KDM1B: variants seen among roughly 807,000 people sequenced by gnomAD.
KDM1B encodes lysine demethylase 1B, also known as lysine-specific histone demethylase 2.
A neutral mutation model predicts 107.4 loss-of-function variants in KDM1B; 63 were observed. That is an observed-to-expected ratio of 0.59 (90% confidence interval 0.48 to 0.72). The LOEUF (loss-of-function observed/expected upper bound fraction) is 0.72, where lower values mean the gene tolerates loss of function less well. KDM1B is among the 30% of genes least tolerant of loss of function. KDM1B has a pLI of 0.00. For missense variants in KDM1B, 749 were observed against 1,020.8 expected (o/e 0.73, Z 3.63); for synonymous variants, 363 against 363.9 (o/e 1.00, Z 0.03).
chr6:18,177,246 T>C (rs752461402), intron 7 of KDM1B, among the ~76,000 whole-genome samples: 2 of 152,216 alleles, frequency 1.3e-5, no homozygotes, highest in African/African-American at 4.8e-5. Context: ...TTCTAGATTA[T>C]GTGCGTAAAA....
intron 10 of KDM1B, among the ~76,000 whole-genome samples, chr6:18,193,539 C>T (rs1787435550): frequency 6.6e-6 from 1 of 151,828 alleles, no homozygotes; most frequent in Admixed American, 6.6e-5. Flanking sequence ...TGGGCTTAAA[C>T]AATCCTCCTG....
At position 18,204,798 on chromosome 6, in the gene KDM1B, A is replaced by T. The variant is rs968623703; in HGVS notation, c.1532-739A>T. 6.6e-6 allele frequency among the ~76,000 whole-genome samples: 1 copy of T among 152,102 alleles called. No homozygotes were observed. Among genetic ancestry groups the T allele is most frequent in the African/African-American group, 2.4e-5 (1 of 41,418 alleles). On this transcript the variant is annotated intron_variant, in intron 14 of 21. Coordinates refer to ENST00000650836, the MANE Select transcript of KDM1B (RefSeq NM_001364614.2). The surrounding 1 kb of genome is among the most constrained non-coding windows in gnomAD (Gnocchi z 4.9). ...TGCCCGACTATAAAGAATGGATGGG[A>T]TTGGGTGGGAGAAGGCATTCCCATG...
In KDM1B at chr6:18,210,342, C is replaced by CTTTTTTT. The variant is rs533016543; in HGVS notation, c.1867-2122_1867-2116dup. On this transcript the variant is annotated intron_variant, in intron 17 of 21. Transcript: ENST00000650836. ...TCTTTCTTTTTTTTCTCTTTCTTTT[C>CTTTTTTT]TTTTTTTTTTTTTTTTTTTTTTTTT... 2.5e-3 allele frequency among the ~76,000 whole-genome samples: 177 copies of CTTTTTTT among 69,924 alleles called. 4 individuals are homozygous for CTTTTTTT. Among genetic ancestry groups the CTTTTTTT allele is most frequent in the Non-Finnish European group, 4.0e-3 (136 of 33,926 alleles). The allele number at this position is 69,924 out of a possible 152,430, so 45.9% of individuals were successfully genotyped here.
chr6:18,184,904 T>G (rs557816849), intron 7 of KDM1B, among the ~76,000 whole-genome samples: 8 of 151,712 alleles, frequency 5.3e-5, no homozygotes, highest in Non-Finnish European at 1.0e-4. Flanking sequence ...CCTGGCTGAT[T>G]TTTGCAATTT....
intron 17 of KDM1B, 71 bp downstream of exon 17, chr6:18,208,277 T>A: frequency 8.7e-7 from 1 of 1,155,902 alleles, no homozygotes; most frequent in Non-Finnish European, 1.3e-6. Flanking sequence ...AGGACAAATC[T>A]TTCCTATCAA....
At chr6:18,178,286 A>G (rs1329637540) in intron 7 of KDM1B, among the ~76,000 whole-genome samples, 1 of 151,924 alleles carries the variant, frequency 6.6e-6, no homozygotes, top group Non-Finnish European at 1.5e-5. Context: ...GGGTTTCACC[A>G]CATTGGCCAG....
intron 4 of KDM1B, among the ~76,000 whole-genome samples, chr6:18,161,743 G>A (rs1274201562): frequency 6.6e-6 from 1 of 152,044 alleles, no homozygotes; most frequent in Non-Finnish European, 1.5e-5. Context: ...GGGTGGGATG[G>A]TGTATGTCGT....
intron 7 of KDM1B, among the ~76,000 whole-genome samples, chr6:18,174,238 C>T (rs1785846285): frequency 6.7e-6 from 1 of 149,412 alleles, no homozygotes; most frequent in African/African-American, 2.4e-5. Flanking sequence ...ATACATTCTT[C>T]TAACTTTTTT....
In KDM1B at chr6:18,201,692, C is replaced by T; in HGVS notation, c.1531+35C>T. On this transcript the variant is annotated intron_variant, in intron 14 of 21. Coordinates refer to ENST00000650836, the MANE Select transcript of KDM1B (RefSeq NM_001364614.2). The surrounding 1 kb of genome is among the most constrained non-coding windows in gnomAD (Gnocchi z 4.3). ...GAACGGTGTTCTGATTGTTCCATCT[C>T]AGTTTCGTTGTTACCTAAGCTTCAT... The T allele has an allele frequency of 6.7e-7, 1 of 1,502,848 alleles. No homozygotes were observed. The highest frequency in any genetic ancestry group is 8.9e-7 in the Non-Finnish European group (1 of 1,121,360). 93.1% of individuals were successfully genotyped at this position (1,502,848 alleles called of 1,614,324 possible).
At chr6:18,215,267 C>T (rs1742704862) in intron 20 of KDM1B, 138 bp downstream of exon 20, 9 of 948,696 alleles carry the variant, frequency 9.5e-6, no homozygotes, top group Non-Finnish European at 1.2e-5. Context: ...TTCAGAGTCC[C>T]ACTGCCCACC....
At position 18,205,660 on chromosome 6, in the gene KDM1B, A is replaced by T; in HGVS notation, c.1655A>T (p.His552Leu). The change falls in exon 15 of 22, where the codon CAC becomes CTC. Residue 552 changes from histidine (H) to leucine (L), a missense_variant. Coordinates refer to ENST00000650836, the MANE Select transcript of KDM1B (RefSeq NM_001364614.2). The surrounding 1 kb of genome is among the most constrained non-coding windows in gnomAD (Gnocchi z 5.7). ...NLEYACGSNL[H>L]QVSARSWDHN... ...GAGTACGCCTGTGGCAGCAACCTTCACCAGGTGCGCTTGGGTTTTGTGAAA... is the reference window on the plus strand; with the variant it reads ...GAGTACGCCTGTGGCAGCAACCTTCTCCAGGTGCGCTTGGGTTTTGTGAAA... 1 of 1,510,666 alleles carries T rather than the reference A, an allele frequency of 6.6e-7. No individual in the cohort carries two copies. The highest frequency in any genetic ancestry group is 8.8e-7 in the Non-Finnish European group (1 of 1,131,106). 93.6% of individuals were successfully genotyped at this position (1,510,666 alleles called of 1,614,324 possible). A position where few individuals can be genotyped will look rare whatever the true frequency, so the allele number is the denominator to read the frequency against.
At chr6:18,194,601 G>T (rs1004235537) in intron 10 of KDM1B, among the ~76,000 whole-genome samples, 4 of 152,086 alleles carry the variant, frequency 2.6e-5, no homozygotes, top group African/African-American at 2.4e-5. Flanking sequence ...ATAACCTGGA[G>T]AATTTTTTTT....
chr6:18,167,442 T>G (rs1031132597), intron 6 of KDM1B, among the ~76,000 whole-genome samples: 15 of 152,162 alleles, frequency 9.9e-5, no homozygotes, highest in Admixed American at 3.3e-4. Flanking sequence ...ATTGCATATA[T>G]TGTTGAAATA....
chr6:18,171,399 C>T lies in KDM1B; in HGVS notation c.454C>T (p.Gln152Ter), dbSNP rs1561913238. 5 of 1,612,706 alleles carry T rather than the reference C, an allele frequency of 3.1e-6. No homozygotes were observed. The highest frequency in any genetic ancestry group is 4.2e-6 in the Non-Finnish European group (5 of 1,178,776). The change falls in exon 7 of 22, where the codon CAG becomes TAG. Residue 152 changes from glutamine to a stop codon, truncating the protein, a stop_gained. Coordinates refer to ENST00000650836, the MANE Select transcript of KDM1B (RefSeq NM_001364614.2). LOFTEE classifies it high-confidence loss of function. ...CTKPECRKWR[Q>*]LTKEIQLTPQ... Reference sequence around the variant, plus strand: ...AAAACCTGAGTGTAGAAAATGGAGGCAGCTTACCAAGGAAATCCAGCTTAC... The same window carrying T: ...AAAACCTGAGTGTAGAAAATGGAGGTAGCTTACCAAGGAAATCCAGCTTAC...
rs762497875 is a variant in KDM1B at position 18,213,672 on chromosome 6, C to T, written c.2000C>T (p.Pro667Leu). Residue 667 changes from proline (P) to leucine (L), a missense_variant, in exon 19 of 22, where the codon CCG becomes CTG. By Grantham distance (98) the Pro-to-Leu change is moderately conservative. Transcript: ENST00000650836. This position sits in a 1 kb window ranked among gnomAD's most constrained non-coding sequence, Gnocchi z 5.9. The stretch of plus-strand genomic sequence containing the variant: ...ACTTTGCAGATTGCCTTGCAATTTC[C>T]GTATAGATTTTGGGACAGTAAAGTA... The part of the protein sequence containing the change: ...GIIEKIALQF[P>L]YRFWDSKVQG... The T allele has an allele frequency of 4.3e-6, 7 of 1,613,968 alleles. No homozygotes were observed. Among genetic ancestry groups the T allele is most frequent in the Admixed American group, 1.7e-5 (1 of 59,984 alleles).
intron 6 of KDM1B, 135 bp downstream of exon 6, chr6:18,166,513 AT>A: frequency 1.7e-6 from 1 of 594,582 alleles, no homozygotes; most frequent in Non-Finnish European, 3.1e-6. Context: ...AATATTTTTT[AT>A]TTTTATAGAA....
chr6:18,185,109 T>A (rs1289009881), intron 7 of KDM1B, among the ~76,000 whole-genome samples: 1 of 152,058 alleles, frequency 6.6e-6, no homozygotes, highest in East Asian at 1.9e-4. Context: ...TATACAAGAG[T>A]CTCTCTCTGG....
chr6:18,164,429 C>T (rs1785161055), intron 5 of KDM1B, among the ~76,000 whole-genome samples: 1 of 151,956 alleles, frequency 6.6e-6, no homozygotes. Flanking sequence ...GCTCGAGCCA[C>T]CACGCCTGGC....
chr6:18,217,612 T>C lies in KDM1B; in HGVS notation c.2233-121T>C, dbSNP rs188005399. On this transcript the variant is annotated intron_variant, in intron 20 of 21. Transcript: ENST00000650836. Reference sequence around the variant, plus strand: ...CAGGATCGTCTCGATCTCCTGACCTTGTGATCCACCCGCCTTAGCCTCCCA... The same window carrying C: ...CAGGATCGTCTCGATCTCCTGACCTCGTGATCCACCCGCCTTAGCCTCCCA... The C allele has an allele frequency of 1.3e-4, 90 of 705,808 alleles. 1 individual carries two copies. The highest frequency in any genetic ancestry group is 6.3e-4 in the Middle Eastern group (2 of 3,186). The allele number at this position is 705,808 out of a possible 1,614,324, so 43.7% of individuals were successfully genotyped here. A position where few individuals can be genotyped will look rare whatever the true frequency, so the allele number is the denominator to read the frequency against.
Sources: allele counts gnomAD v4.1 joint callset (sites outside exome capture counted in the v4.1 genomes callset), GRCh38; gene constraint gnomAD v4.1.1; non-coding constraint Gnocchi (gnomAD v3.1); transcripts MANE v1.5; gene names NCBI Gene and HGNC (gene_info 2026-07-23, HGNC 2026-07-21).